Variants in PTPRB observed in about 807,000 individuals in gnomAD.
PTPRB encodes receptor-type tyrosine-protein phosphatase beta.
PTPRB carries 97 observed loss-of-function variants against 238.1 expected under a neutral mutation model. The ratio of observed to expected loss-of-function variants is 0.41; its 90% CI spans 0.35 to 0.48. PTPRB has a LOEUF of 0.48. Among genes scored for constraint, PTPRB ranks in the 20% least tolerant of loss-of-function variants. PTPRB has a pLI of 0.30. For missense variants in PTPRB, 2,292 were observed against 2,681.9 expected, an observed-to-expected ratio of 0.85 and a Z score of 3.21; for synonymous variants, 970 against 995.4, an observed-to-expected ratio of 0.97 and a Z score of 0.48.
At chr12:70,615,677 G>C (rs1415290716) in intron 3 of PTPRB, among the ~76,000 whole-genome samples, 2 of 152,176 alleles carry the variant, frequency 1.3e-5, no homozygotes, top group Non-Finnish European at 2.9e-5. Flanking sequence ...CCCTTGGAAG[G>C]GAGTCTACTC....
At chr12:70,573,122 G>T (rs945632388) in intron 11 of PTPRB, among the ~76,000 whole-genome samples, 17 of 152,102 alleles carry the variant, frequency 1.1e-4, no homozygotes, top group Non-Finnish European at 2.2e-4. Context: ...ACAAAATATG[G>T]ATGAATCTTA....
At position 70,612,114 on chromosome 12, in the gene PTPRB, A is replaced by C. The variant is rs1428671521; in HGVS notation, c.709-2775T>G. On this transcript the variant is annotated intron_variant, in intron 3 of 33. Transcript: ENST00000334414. The stretch of plus-strand genomic sequence containing the variant: ...CACCACACAGCTATTATGAATAAAT[A>C]ATATCACAACTACATTAAACTACCT... 3.3e-5 allele frequency among the ~76,000 whole-genome samples: 5 copies of C among 152,358 alleles called. No individual in the cohort carries two copies. The South Asian group carries it at 8.3e-4, about 25-fold the overall frequency.
intron 10 of PTPRB, among the ~76,000 whole-genome samples, chr12:70,578,794 A>G (rs1881061604): frequency 6.6e-6 from 1 of 152,214 alleles, no homozygotes; most frequent in Non-Finnish European, 1.5e-5. Flanking sequence ...TGTGTGGCAG[A>G]ATATGGTTCC....
chr12:70,556,191 G>T (rs1295172331), intron 18 of PTPRB, 43 bp from the exon 19 acceptor site: 3 of 1,490,306 alleles, frequency 2.0e-6, no homozygotes, highest in Non-Finnish European at 2.7e-6. Context: ...AACTCAGGGA[G>T]AATTTTTTTT....
chr12:70,531,970 A>C (rs995020935), intron 32 of PTPRB, 65 bp downstream of exon 32: 232 of 1,589,092 alleles, frequency 1.5e-4, no homozygotes, highest in Non-Finnish European at 1.9e-4. Flanking sequence ...AAGGTCCTGG[A>C]TATTTTTTTG....
chr12:70,599,981 T>G (rs1464662507), intron 4 of PTPRB, among the ~76,000 whole-genome samples: 1 of 151,716 alleles, frequency 6.6e-6, no homozygotes, highest in Admixed American at 6.6e-5. Context: ...ACCCTGTTTT[T>G]TTTTTTTTTT....
At chr12:70,568,988 T>G (rs1879680447) in intron 14 of PTPRB, among the ~76,000 whole-genome samples, 1 of 152,242 alleles carries the variant, frequency 6.6e-6, no homozygotes, top group African/African-American at 2.4e-5. Flanking sequence ...GATACTTGTT[T>G]TTTTAGCTCT....
In PTPRB at chr12:70,519,820, A is replaced by G. The variant is rs1023098437; in HGVS notation, c.*1669T>C. On this transcript the variant is annotated 3_prime_UTR_variant, in exon 34 of 34. Transcript: ENST00000334414. ...TCATTTCACAAGAGCATTGAGCACA[A>G]TGAAACTGTGAATCTTTGAAGCTTA... 3 of 161,896 alleles carry G rather than the reference A, an allele frequency of 1.9e-5. No homozygotes were observed. The highest frequency in any genetic ancestry group is 3.6e-4 in the East Asian group (2 of 5,504). The allele number at this position is 161,896 out of a possible 1,614,324, so 10.0% of individuals were successfully genotyped here. A position where few individuals can be genotyped will look rare whatever the true frequency, so the allele number is the denominator to read the frequency against.
intron 3 of PTPRB, among the ~76,000 whole-genome samples, chr12:70,612,224 A>G (rs1566013533): frequency 6.6e-6 from 1 of 152,248 alleles, no homozygotes; most frequent in East Asian, 1.9e-4. Flanking sequence ...ACCCATAAAC[A>G]TGAGCATACT....
chr12:70,539,386 A>T, intron 26 of PTPRB: 1 of 558,138 alleles, frequency 1.8e-6, no homozygotes, highest in Non-Finnish European at 3.2e-6. Flanking sequence ...ATTCTTCCTT[A>T]CTATCTGATC....
intron 2 of PTPRB, among the ~76,000 whole-genome samples, chr12:70,632,578 TAA>T (rs796891916): frequency 4.2e-5 from 6 of 141,320 alleles, no homozygotes; most frequent in African/African-American, 1.6e-4. Context: ...AAAGTATAAT[TAA>T]AAAAAAAAAA....
At chr12:70,601,328 T>A (rs944740837) in intron 4 of PTPRB, among the ~76,000 whole-genome samples, 1 of 151,736 alleles carries the variant, frequency 6.6e-6, no homozygotes, top group Non-Finnish European at 1.5e-5. Context: ...CTTTCCTCCA[T>A]GATTGCCAAA....
intron 29 of PTPRB, among the ~76,000 whole-genome samples, chr12:70,535,225 T>G (rs1039301256): frequency 3.0e-4 from 1 of 3,328 alleles, no homozygotes; most frequent in African/African-American, 1.3e-3. Context: ...ATGGCTTGAG[T>G]TTTTTTTTTT....
intron 10 of PTPRB, among the ~76,000 whole-genome samples, 190 bp from the exon 11 acceptor site, chr12:70,576,835 T>G (rs1266992400): frequency 1.3e-5 from 2 of 152,102 alleles, no homozygotes; most frequent in Admixed American, 6.6e-5. Context: ...CTGAGTGTTC[T>G]TACATCAGAA....
intron 2 of PTPRB, among the ~76,000 whole-genome samples, chr12:70,625,988 T>A (rs1299116657): frequency 6.6e-6 from 1 of 152,120 alleles, no homozygotes; most frequent in East Asian, 1.9e-4. Context: ...AAAAGAGCAA[T>A]GTGTATTTTA....
At chr12:70,587,365 C>T in intron 8 of PTPRB, 98 bp from the exon 9 acceptor site, 1 of 1,341,352 alleles carries the variant, frequency 7.5e-7, no homozygotes. Context: ...AAGCGTGTTT[C>T]AGTTCAACAT....
intron 31 of PTPRB, among the ~76,000 whole-genome samples, chr12:70,533,597 G>GTGGTT (rs1873635497): frequency 6.6e-6 from 1 of 152,196 alleles, no homozygotes; most frequent in Non-Finnish European, 1.5e-5. Flanking sequence ...TTGCTGTGCT[G>GTGGTT]TGGTTTGAAT....
In PTPRB at chr12:70,560,661, G is replaced by A; in HGVS notation, c.4432+10C>T. 1 of 1,611,882 alleles carries A rather than the reference G, an allele frequency of 6.2e-7. No individual in the cohort carries two copies. The highest frequency in any genetic ancestry group is 8.5e-7 in the Non-Finnish European group (1 of 1,178,518). On this transcript the variant is annotated intron_variant, in intron 17 of 33. Transcript: ENST00000334414. This position sits in a 1 kb window ranked among gnomAD's most constrained non-coding sequence, Gnocchi z 4.2. Reference sequence around the variant, plus strand: ...ACCATCCCTTGGCCATTGGCACCTGGGCTTCTCACCTGTTCTGCTCTCCGC... The same window carrying A: ...ACCATCCCTTGGCCATTGGCACCTGAGCTTCTCACCTGTTCTGCTCTCCGC...
chr12:70,572,788 A>AAAAAAAAG (rs1555229271), intron 11 of PTPRB, among the ~76,000 whole-genome samples: 2 of 151,476 alleles, frequency 1.3e-5, no homozygotes, highest in Admixed American at 6.6e-5. Context: ...AAAAAAAAAA[A>AAAAAAAAG]AAAAGAAAAG....
Sources: allele counts gnomAD v4.1 joint callset (sites outside exome capture counted in the v4.1 genomes callset), GRCh38; gene constraint gnomAD v4.1.1; non-coding constraint Gnocchi (gnomAD v3.1); transcripts MANE v1.5; gene names NCBI Gene and HGNC (gene_info 2026-07-23, HGNC 2026-07-21).